ZFHX3: variants seen among roughly 807,000 people sequenced by gnomAD.
ZFHX3 encodes the protein zinc finger homeobox protein 3.
Under a neutral mutation model 279.1 loss-of-function variants are expected in ZFHX3, and 42 were observed. That is an observed-to-expected ratio of 0.15 (90% CI 0.12 to 0.19). The LOEUF (loss-of-function observed/expected upper bound fraction) is 0.19. Among genes scored for constraint, ZFHX3 ranks in the 10% least tolerant of loss-of-function variants. ZFHX3 has a pLI of 1.00. For missense variants in ZFHX3, 4,981 were observed against 4,754.0 expected, an observed-to-expected ratio of 1.05 and a Z score of -1.40; for synonymous variants, 2,293 against 1,957.8, an observed-to-expected ratio of 1.17 and a Z score of -4.52.
At chr16:72,900,707 C>T (rs536582367) in intron 3 of ZFHX3, among the ~76,000 whole-genome samples, 43 of 152,332 alleles carry the variant, frequency 2.8e-4, no homozygotes, top group South Asian at 2.1e-4. Flanking sequence ...CGCCCTAGAT[C>T]GCTGGGGCCA....
At chr16:72,908,926 A>G (rs1341853289) in intron 3 of ZFHX3, among the ~76,000 whole-genome samples, 1 of 152,232 alleles carries the variant, frequency 6.6e-6, no homozygotes, top group Non-Finnish European at 1.5e-5. Flanking sequence ...CTGAAGGCTG[A>G]GCACATCCAC....
intron 2 of ZFHX3, among the ~76,000 whole-genome samples, chr16:73,536,665 A>G (rs2019906946): frequency 6.6e-6 from 1 of 152,184 alleles, no homozygotes; most frequent in African/African-American, 2.4e-5. Flanking sequence ...AATGATACCC[A>G]GGACACACCC....
intron 3 of ZFHX3, among the ~76,000 whole-genome samples, chr16:73,393,657 G>A (rs553178393): frequency 6.6e-6 from 1 of 152,202 alleles, no homozygotes; most frequent in African/African-American, 2.4e-5. Flanking sequence ...TGATCACATT[G>A]AATAAACTAT....
At position 73,147,045 on chromosome 16, in the gene ZFHX3, T is replaced by C. The variant is rs574433773; in HGVS notation, c.-1103-3214A>G. Among the ~76,000 whole-genome samples, 15 of 152,276 alleles carry C rather than the reference T, an allele frequency of 9.9e-5. No homozygotes were observed. In the South Asian group the frequency reaches 1.9e-3, roughly 19 times the overall value. On this transcript the variant is annotated intron_variant, in intron 5 of 17. Coordinates refer to the ZFHX3 transcript ENST00000641206. ...GAGGTTGGGAAATGAACTGGAATTG[T>C]TTTTCTTGGAAAAGAACAGGTTAAA... is the stretch of plus-strand genomic sequence containing the variant.
chr16:73,605,473 C>A (rs1053865417), intron 2 of ZFHX3, among the ~76,000 whole-genome samples: 1 of 152,178 alleles, frequency 6.6e-6, no homozygotes, highest in Admixed American at 6.5e-5. Flanking sequence ...CTAACCTTAG[C>A]CCCAAATTAA....
chr16:73,536,102 A>G (rs1456653712), intron 2 of ZFHX3, among the ~76,000 whole-genome samples: 1 of 152,156 alleles, frequency 6.6e-6, no homozygotes, highest in African/African-American at 2.4e-5. Flanking sequence ...AAGTGTTCTC[A>G]GCATATATTA....
intron 1 of ZFHX3, among the ~76,000 whole-genome samples, chr16:73,857,423 C>G (rs1432987804): frequency 2.6e-5 from 4 of 152,174 alleles, no homozygotes; most frequent in Non-Finnish European, 5.9e-5. Context: ...GTAGGAGGGA[C>G]ACATCCCCTC....
chr16:73,024,510 G>A (rs1208894425), intron 1 of ZFHX3, among the ~76,000 whole-genome samples: 2 of 152,198 alleles, frequency 1.3e-5, no homozygotes, highest in African/African-American at 4.8e-5. Flanking sequence ...AGTGGTAGCT[G>A]CAAATAAGCC....
intron 1 of ZFHX3, among the ~76,000 whole-genome samples, chr16:73,859,629 G>C (rs138677113): frequency 6.6e-6 from 1 of 151,974 alleles, no homozygotes; most frequent in Non-Finnish European, 1.5e-5. Context: ...ATAATACCTG[G>C]GAATTAAAGA....
At chr16:73,315,974 C>A (rs1438894885) in intron 4 of ZFHX3, among the ~76,000 whole-genome samples, 1 of 152,220 alleles carries the variant, frequency 6.6e-6, no homozygotes, top group African/African-American at 2.4e-5. Flanking sequence ...CCTCCTCGTC[C>A]TGCCTGGACC....
intron 1 of ZFHX3, among the ~76,000 whole-genome samples, chr16:73,802,113 G>A (rs1183039229): frequency 6.6e-6 from 1 of 152,138 alleles, no homozygotes; most frequent in Non-Finnish European, 1.5e-5. Flanking sequence ...TTAAAGCCCC[G>A]GGCTGTGGAA....
intron 1 of ZFHX3, among the ~76,000 whole-genome samples, chr16:73,813,490 A>C (rs558907323): frequency 7.4e-4 from 112 of 152,210 alleles, no homozygotes; most frequent in African/African-American, 2.6e-3. Context: ...CTGTAAGTCC[A>C]TTTCAGTAAA....
chr16:73,687,777 G>C (rs1009564587), intron 1 of ZFHX3, among the ~76,000 whole-genome samples: 2 of 134,752 alleles, frequency 1.5e-5, no homozygotes, highest in African/African-American at 5.4e-5. Flanking sequence ...GAACCCAGGA[G>C]GCAGAGGTTG....
intron 1 of ZFHX3, among the ~76,000 whole-genome samples, chr16:73,682,894 GAA>G (rs747923011): frequency 0.22 from 8,742 of 40,426 alleles, 947 homozygotes; most frequent in Non-Finnish European, 0.26. Flanking sequence ...AAGAAAGAAA[GAA>G]AGAAAGAAAG....
intron 4 of ZFHX3, among the ~76,000 whole-genome samples, chr16:72,863,438 A>G (rs1339662382): frequency 6.6e-6 from 1 of 150,922 alleles, no homozygotes; most frequent in Non-Finnish European, 1.5e-5. Context: ...GGATGGCTTG[A>G]GCCTGGAAGA....
chr16:73,748,111 A>G (rs558684085), intron 1 of ZFHX3, among the ~76,000 whole-genome samples: 41 of 152,336 alleles, frequency 2.7e-4, no homozygotes, highest in African/African-American at 8.2e-4. Flanking sequence ...TTTTCCTGAG[A>G]AAATGTAGAA....
In ZFHX3 at chr16:72,787,665, C is replaced by G; in HGVS notation, c.10611G>C (p.Ala3537=). The G allele has an allele frequency of 1.3e-6, 2 of 1,572,540 alleles. No homozygotes were observed. Among genetic ancestry groups the G allele is most frequent in the East Asian group, 4.9e-5 (2 of 41,084 alleles). Residue 3537 remains alanine (A), a synonymous_variant, in exon 10 of 10, where the codon GCG becomes GCC. Coordinates refer to ENST00000268489, the MANE Select transcript of ZFHX3 (RefSeq NM_006885.4). ...GSYHCLACES[A]LCGEEALSQH... is the part of the protein sequence containing the mutation. ...GACTCAGAGCTTCCTCCCCACAGAG[C>G]GCGCTCTCGCACGCCAGGCAGTGGT...
chr16:73,848,249 G>A (rs1452227127), intron 1 of ZFHX3, among the ~76,000 whole-genome samples: 1 of 151,994 alleles, frequency 6.6e-6, no homozygotes, highest in African/African-American at 2.4e-5. Flanking sequence ...GACTCCCTTA[G>A]GAGCACTCAG....
At chr16:73,759,088 T>C (rs1237956596) in intron 1 of ZFHX3, among the ~76,000 whole-genome samples, 1 of 152,226 alleles carries the variant, frequency 6.6e-6, no homozygotes. Flanking sequence ...TGTTATGACA[T>C]AGGTGAGGAT....
Sources: allele counts gnomAD v4.1 joint callset (sites outside exome capture counted in the v4.1 genomes callset), GRCh38; gene constraint gnomAD v4.1.1; transcripts MANE v1.5; gene names NCBI Gene and HGNC (gene_info 2026-07-23, HGNC 2026-07-21).